The following TMEM108 variants were observed in gnomAD, a reference collection of about 807,000 sequenced individuals.
The protein encoded by TMEM108 is cancer/testis antigen 124.
TMEM108 carries 12 observed loss-of-function variants against 35.1 expected under a neutral mutation model. That is an observed-to-expected ratio of 0.34 (90% confidence interval 0.22 to 0.55). The LOEUF (loss-of-function observed/expected upper bound fraction) is 0.55. TMEM108 is among the 20% of genes least tolerant of loss of function. The pLI is 0.89. For synonymous variants in TMEM108, 287 were observed against 308.6 expected, an observed-to-expected ratio of 0.93 and a Z score of 0.73; for missense variants, 680 against 753.3, an observed-to-expected ratio of 0.90 and a Z score of 1.14.
At chr3:133,283,924 C>A (rs1245552885) in intron 3 of TMEM108, among the ~76,000 whole-genome samples, 4 of 152,184 alleles carry the variant, frequency 2.6e-5, no homozygotes, top group Non-Finnish European at 4.4e-5. Context: ...AAGACTTGTG[C>A]AGAATGTTTC....
intron 3 of TMEM108, among the ~76,000 whole-genome samples, chr3:133,323,860 GAAATAAAGCCA>G (rs1423315686): frequency 6.6e-6 from 1 of 152,084 alleles, no homozygotes; most frequent in African/African-American, 2.4e-5. Context: ...AGAGAACCCA[GAAATAAAGCCA>G]AATATTTATA....
At chr3:133,141,570 TG>T (rs1468792121) in intron 2 of TMEM108, among the ~76,000 whole-genome samples, 1 of 152,142 alleles carries the variant, frequency 6.6e-6, no homozygotes, top group Admixed American at 6.5e-5. Context: ...ATGAGCCTGC[TG>T]GTAAAAGGCT....
At chr3:133,095,625 A>G (rs1944002615) in intron 2 of TMEM108, among the ~76,000 whole-genome samples, 1 of 152,120 alleles carries the variant, frequency 6.6e-6, no homozygotes. Flanking sequence ...GTGACAGATC[A>G]TCAGGCATTA....
chr3:133,300,714 C>T (rs1947209677), intron 3 of TMEM108, among the ~76,000 whole-genome samples: 1 of 151,902 alleles, frequency 6.6e-6, no homozygotes. Flanking sequence ...TCCCTGGTTG[C>T]CAGGTACCTA....
chr3:133,307,789 T>A (rs190008126), intron 3 of TMEM108, among the ~76,000 whole-genome samples: 1 of 152,264 alleles, frequency 6.6e-6, no homozygotes, highest in Non-Finnish European at 1.5e-5. Context: ...GTAGTATAAT[T>A]TGAAGTCAGG....
intron 3 of TMEM108, among the ~76,000 whole-genome samples, chr3:133,241,965 G>A (rs1211579061): frequency 6.6e-6 from 1 of 152,106 alleles, no homozygotes; most frequent in Admixed American, 6.5e-5. Flanking sequence ...TAAAATAGTA[G>A]AATTTTTTTT....
chr3:133,307,623 T>C (rs962502637), intron 3 of TMEM108, among the ~76,000 whole-genome samples: 3 of 152,174 alleles, frequency 2.0e-5, no homozygotes, highest in Non-Finnish European at 2.9e-5. Context: ...ATTTATTAAA[T>C]AGGGAATCCT....
At chr3:133,271,674 C>T (rs367573510) in intron 3 of TMEM108, among the ~76,000 whole-genome samples, 7 of 152,126 alleles carry the variant, frequency 4.6e-5, no homozygotes, top group Admixed American at 6.5e-5. Context: ...ACACAACAGA[C>T]GCTGCTCTGA....
intron 2 of TMEM108, among the ~76,000 whole-genome samples, chr3:133,111,477 A>T (rs1400944922): frequency 1.3e-5 from 2 of 152,034 alleles, no homozygotes; most frequent in Non-Finnish European, 2.9e-5. Flanking sequence ...TTTAATATAG[A>T]TATATGTGTG....
intron 3 of TMEM108, among the ~76,000 whole-genome samples, chr3:133,333,642 G>T (rs996766128): frequency 6.6e-6 from 1 of 152,160 alleles, no homozygotes; most frequent in African/African-American, 2.4e-5. Context: ...CTTTGACGTG[G>T]CATAAAAGGC....
intron 3 of TMEM108, among the ~76,000 whole-genome samples, chr3:133,323,973 A>G (rs749719349): frequency 9.8e-5 from 15 of 152,348 alleles, no homozygotes; most frequent in Non-Finnish European, 1.8e-4. Flanking sequence ...GGCAAGCCAC[A>G]TGTAGAAGAA....
At chr3:133,260,011 A>G (rs565809608) in intron 3 of TMEM108, among the ~76,000 whole-genome samples, 2 of 152,358 alleles carry the variant, frequency 1.3e-5, no homozygotes, top group East Asian at 1.9e-4. Context: ...TTATAGGCAC[A>G]AAGAGATTAG....
intron 1 of TMEM108, among the ~76,000 whole-genome samples, chr3:133,039,604 TA>T (rs1275943738): frequency 3.3e-5 from 5 of 152,208 alleles, no homozygotes; most frequent in African/African-American, 1.2e-4. Flanking sequence ...TAGGCAAACA[TA>T]AAAAGTCCCT....
intron 3 of TMEM108, among the ~76,000 whole-genome samples, chr3:133,302,952 T>C (rs1293539130): frequency 6.6e-6 from 1 of 152,164 alleles, no homozygotes; most frequent in East Asian, 1.9e-4. Context: ...AGGTTGCAGA[T>C]CAAACAGTGG....
At chr3:133,312,971 A>G (rs947417819) in intron 3 of TMEM108, among the ~76,000 whole-genome samples, 1 of 152,152 alleles carries the variant, frequency 6.6e-6, no homozygotes, top group Non-Finnish European at 1.5e-5. Flanking sequence ...AATTGTTACA[A>G]TGCTTTCATC....
At chr3:133,060,034 C>T (rs1235825261) in intron 2 of TMEM108, among the ~76,000 whole-genome samples, 1 of 151,820 alleles carries the variant, frequency 6.6e-6, no homozygotes, top group African/African-American at 2.4e-5. Context: ...GGTTTACCAC[C>T]TCATTTTTTG....
chr3:133,064,819 T>C (rs1943576166), intron 2 of TMEM108, among the ~76,000 whole-genome samples: 1 of 152,180 alleles, frequency 6.6e-6, no homozygotes, highest in Admixed American at 6.5e-5. Flanking sequence ...TGTCCCTTCA[T>C]TCTTTACAAA....
intron 2 of TMEM108, among the ~76,000 whole-genome samples, chr3:133,163,840 GAA>G (rs778430749): frequency 1.1e-4 from 17 of 152,116 alleles, no homozygotes; most frequent in Non-Finnish European, 2.4e-4. Flanking sequence ...CCTCTGCATT[GAA>G]ATCATCCCTA....
In TMEM108 at chr3:133,311,157, T is replaced by G. The variant is rs546664982; in HGVS notation, c.41-68595T>G. On this transcript the variant is annotated intron_variant, in intron 3 of 5. Transcript: ENST00000321871. ...CTGGCTGCCCTTCACATTTTTTCCTTCATTTCCACCTTAGTGAATCTGACA... is the reference window on the plus strand; with the variant it reads ...CTGGCTGCCCTTCACATTTTTTCCTGCATTTCCACCTTAGTGAATCTGACA... Among the ~76,000 whole-genome samples the G allele has an allele frequency of 4.6e-5, 7 of 152,342 alleles. No homozygotes were observed. The South Asian group carries it at 1.5e-3, about 32-fold the overall frequency.
Sources: gnomAD v4.1 joint callset for allele counts (sites outside exome capture counted in the v4.1 genomes callset) on GRCh38, gnomAD v4.1.1 for gene constraint, MANE v1.5 for transcripts, NCBI Gene and HGNC (gene_info 2026-07-23, HGNC 2026-07-21) for gene names.